The following FAM168B variants were observed in gnomAD, a reference collection of about 807,000 sequenced individuals.
FAM168B encodes the protein myelin-associated neurite-outgrowth inhibitor.
A neutral mutation model predicts 21.8 loss-of-function variants in FAM168B; 19 were observed. That is an observed-to-expected ratio of 0.87 (90% CI 0.61 to 1.28). The LOEUF is 1.28. Ranked by LOEUF, FAM168B falls within the 50% of genes most tolerant of loss-of-function variation. FAM168B has a pLI of 0.00. For missense variants in FAM168B, 233 were observed against 263.1 expected (o/e 0.89, Z 0.79); for synonymous variants, 126 against 104.8 (o/e 1.20, Z -1.24).
chr2:131,064,104 G>A (rs973334680), intron 3 of FAM168B, among the ~76,000 whole-genome samples: 1 of 152,070 alleles, frequency 6.6e-6, no homozygotes, highest in Non-Finnish European at 1.5e-5. Context: ...GACAACAGAC[G>A]CTCCCTCCTT....
chr2:131,061,480 C>A (rs1170053090), intron 3 of FAM168B, among the ~76,000 whole-genome samples: 2 of 151,450 alleles, frequency 1.3e-5, no homozygotes, highest in Non-Finnish European at 2.9e-5. Context: ...CCCAAACGCA[C>A]CCCTAGAAGA....
At position 131,086,212 on chromosome 2, in the gene FAM168B, T is replaced by C. The variant is rs563399867; in HGVS notation, c.-11-3555A>G. Among the ~76,000 whole-genome samples, 14 of 152,326 alleles carry C rather than the reference T, an allele frequency of 9.2e-5. No homozygotes were observed. The South Asian group carries it at 2.9e-3, about 32-fold the overall frequency. On this transcript the variant is annotated intron_variant, in intron 1 of 6. Transcript: ENST00000389915. Reference sequence around the variant, plus strand: ...ACCTACTTCTCTGGTTCAACTATCATCTCTCAAGAAGCAAATATTTCCCAA... The same window carrying C: ...ACCTACTTCTCTGGTTCAACTATCACCTCTCAAGAAGCAAATATTTCCCAA...
chr2:131,090,046 G>T (rs1418508711), intron 1 of FAM168B, among the ~76,000 whole-genome samples: 1 of 123,902 alleles, frequency 8.1e-6, no homozygotes, highest in African/African-American at 3.2e-5. Flanking sequence ...AGAGGCCGGC[G>T]CAGTGGCTCA....
intron 3 of FAM168B, among the ~76,000 whole-genome samples, chr2:131,068,400 C>G (rs1273617038): frequency 6.6e-6 from 1 of 152,160 alleles, no homozygotes; most frequent in Non-Finnish European, 1.5e-5. Context: ...CTCAAGTGAT[C>G]TGCCCACCTT....
chr2:131,069,882 G>A lies in FAM168B; in HGVS notation c.154+1973C>T, dbSNP rs186192853. 2.0e-5 allele frequency among the ~76,000 whole-genome samples: 3 copies of A among 150,654 alleles called. 1 individual carries two copies. Among genetic ancestry groups the A allele is most frequent in the East Asian group, 2.0e-4 (1 of 5,110 alleles). ...AAACTTTTTTTTTTTTGGTTGAGAC[G>A]GAGTCTCACCCTGTCGCCCAGGCTG... On this transcript the variant is annotated intron_variant, in intron 3 of 6. Coordinates refer to ENST00000389915, the MANE Select transcript of FAM168B (RefSeq NM_001009993.4).
At position 131,055,352 on chromosome 2, in the gene FAM168B, T is replaced by A; in HGVS notation, c.395A>T (p.Tyr132Phe). ...VQPNGMPATV[Y>F]PAPIPPPRGN... ...TCTAGGAGGGGGGATGGGAGCAGGG[T>A]ACACCGTTGCAGGCATGCCGTTGGG... Residue 132 changes from tyrosine (Y) to phenylalanine (F), a missense_variant, in exon 5 of 7, where the codon TAC (tyrosine) becomes TTC (phenylalanine). By Grantham distance (22) the Tyr-to-Phe change is conservative. Coordinates refer to ENST00000389915, the MANE Select transcript of FAM168B (RefSeq NM_001009993.4). 7 of 1,596,050 alleles carry A rather than the reference T, an allele frequency of 4.4e-6. No homozygotes were observed. The highest frequency in any genetic ancestry group is 6.0e-6 in the Non-Finnish European group (7 of 1,175,102).
chr2:131,048,783 AC>A lies in FAM168B; in HGVS notation c.*3681del. The A allele has an allele frequency of 1.0e-6, 1 of 986,178 alleles. No homozygotes were observed. The highest frequency in any genetic ancestry group is 1.2e-6 in the Non-Finnish European group (1 of 830,308). The allele number at this position is 986,178 out of a possible 1,614,324, so 61.1% of individuals were successfully genotyped here. A position where few individuals can be genotyped will look rare whatever the true frequency, so the allele number is the denominator to read the frequency against. ...AGGCCAACCACACTCTGCTTTAGAG[AC>A]CCTCTCAGAAAGCACCAGAGAGGAG... On this transcript the variant is annotated 3_prime_UTR_variant, in exon 7 of 7. Coordinates refer to ENST00000389915, the MANE Select transcript of FAM168B (RefSeq NM_001009993.4).
chr2:131,066,368 G>T (rs552043080), intron 3 of FAM168B, among the ~76,000 whole-genome samples: 8 of 151,900 alleles, frequency 5.3e-5, no homozygotes, highest in Non-Finnish European at 1.2e-4. Context: ...GTAGAGACGG[G>T]GTTTCACCGT....
chr2:131,074,572 G>A (rs1345389287), intron 2 of FAM168B, among the ~76,000 whole-genome samples: 1 of 152,198 alleles, frequency 6.6e-6, no homozygotes, highest in African/African-American at 2.4e-5. Context: ...AAAGAGAAGA[G>A]CAGTCTTCAA....
intron 3 of FAM168B, among the ~76,000 whole-genome samples, chr2:131,056,837 C>T (rs1169222726): frequency 6.6e-6 from 1 of 151,942 alleles, no homozygotes; most frequent in Non-Finnish European, 1.5e-5. Context: ...ATGCTGGATG[C>T]ATGTACTGAC....
In FAM168B at chr2:131,050,857, A is replaced by C. The variant is rs1474517266; in HGVS notation, c.*1608T>G. On this transcript the variant is annotated 3_prime_UTR_variant, in exon 7 of 7. Transcript: ENST00000389915. ...CCCACAGCACTCAAACCACCACTGC[A>C]CTGGGAAGAAGACGCACGCTCCTGC... The C allele has an allele frequency of 2.0e-6, 2 of 985,308 alleles. No homozygotes were observed. Among genetic ancestry groups the C allele is most frequent in the Non-Finnish European group, 2.4e-6 (2 of 830,014 alleles). 61.0% of individuals were successfully genotyped at this position (985,308 alleles called of 1,614,324 possible). A position where few individuals can be genotyped will look rare whatever the true frequency, so the allele number is the denominator to read the frequency against.
At chr2:131,057,555 G>A (rs1157472147) in intron 3 of FAM168B, among the ~76,000 whole-genome samples, 1 of 152,158 alleles carries the variant, frequency 6.6e-6, no homozygotes, top group Admixed American at 6.6e-5. Flanking sequence ...CCATGGGCAT[G>A]TACAACTGTC....
At chr2:131,077,148 A>C (rs1693196151) in intron 2 of FAM168B, among the ~76,000 whole-genome samples, 1 of 151,798 alleles carries the variant, frequency 6.6e-6, no homozygotes, top group Non-Finnish European at 1.5e-5. Context: ...TGCCCATCAC[A>C]AGGAAACTGG....
chr2:131,078,578 G>A (rs1693278921), intron 2 of FAM168B, among the ~76,000 whole-genome samples: 1 of 152,184 alleles, frequency 6.6e-6, no homozygotes, highest in Admixed American at 6.5e-5. Flanking sequence ...ACTATGCAAG[G>A]TAAATACAAA....
intron 5 of FAM168B, among the ~76,000 whole-genome samples, chr2:131,054,261 T>C (rs1691873729): frequency 6.7e-6 from 1 of 149,142 alleles, no homozygotes; most frequent in Non-Finnish European, 1.5e-5. Flanking sequence ...GAAATGAGGA[T>C]TCTAAACTAC....
At chr2:131,086,221 A>C (rs1210470756) in intron 1 of FAM168B, among the ~76,000 whole-genome samples, 1 of 152,206 alleles carries the variant, frequency 6.6e-6, no homozygotes, top group Non-Finnish European at 1.5e-5. Flanking sequence ...ATCTCTCAAG[A>C]AGCAAATATT....
At chr2:131,060,323 C>A (rs1159458470) in intron 3 of FAM168B, among the ~76,000 whole-genome samples, 1 of 151,466 alleles carries the variant, frequency 6.6e-6, no homozygotes, top group Non-Finnish European at 1.5e-5. Context: ...CGCGCCCGGC[C>A]GTGAGTAGGA....
intron 3 of FAM168B, among the ~76,000 whole-genome samples, chr2:131,062,456 TTTTTG>T (rs1692351538): frequency 6.6e-6 from 1 of 152,040 alleles, no homozygotes; most frequent in African/African-American, 2.4e-5. Flanking sequence ...GTCTTTTTTG[TTTTTG>T]TTTTGAGACG....
chr2:131,092,350 A>G (rs999578471), intron 1 of FAM168B, among the ~76,000 whole-genome samples: 1 of 151,800 alleles, frequency 6.6e-6, no homozygotes, highest in Non-Finnish European at 1.5e-5. Context: ...GTCAAAGCAA[A>G]AATAACCCAC....
Sources: allele counts gnomAD v4.1 joint callset (sites outside exome capture counted in the v4.1 genomes callset), GRCh38; gene constraint gnomAD v4.1.1; transcripts MANE v1.5; gene names NCBI Gene and HGNC (gene_info 2026-07-23, HGNC 2026-07-21).